Variants in GSDMC observed in about 807,000 individuals in gnomAD.
The protein encoded by GSDMC is gasdermin C, also known as gasdermin-C.
Under a neutral mutation model 58.0 loss-of-function variants are expected in GSDMC, and 59 were observed. That is an observed-to-expected ratio of 1.02 (90% confidence interval 0.82 to 1.26). The LOEUF (loss-of-function observed/expected upper bound fraction) is 1.26. Among genes scored for constraint, GSDMC ranks in the 50% most tolerant of loss-of-function variants. GSDMC has a pLI of 0.00. For synonymous variants in GSDMC, 241 were observed against 220.2 expected, an observed-to-expected ratio of 1.09 and a Z score of -0.83; for missense variants, 659 against 598.5, an observed-to-expected ratio of 1.10 and a Z score of -1.06.
At position 129,770,939 on chromosome 8, in the gene GSDMC, G is replaced by C. The variant is rs371945630; in HGVS notation, c.405-5146C>G. Among the ~76,000 whole-genome samples, 3 of 151,430 alleles carry C rather than the reference G, an allele frequency of 2.0e-5. No individual in the cohort carries two copies. In the East Asian group the frequency reaches 5.8e-4, roughly 29 times the overall value. On this transcript the variant is annotated intron_variant, in intron 3 of 13. Coordinates refer to ENST00000276708, the MANE Select transcript of GSDMC (RefSeq NM_031415.3). ...GGCTGAAAGGAAAGAGATGGAAAAA[G>C]AAATTCTAATGCACAAGATGACCAA...
At chr8:129,778,972 A>G (rs186636139) in intron 1 of GSDMC, among the ~76,000 whole-genome samples, 4 of 152,328 alleles carry the variant, frequency 2.6e-5, no homozygotes. Context: ...GATGCTGGCA[A>G]GGTTGTGGAG....
At chr8:129,782,971 A>G (rs2034457029) in intron 1 of GSDMC, among the ~76,000 whole-genome samples, 1 of 146,804 alleles carries the variant, frequency 6.8e-6, no homozygotes, top group African/African-American at 2.8e-5. Flanking sequence ...AAATACTAGG[A>G]AACCAAATTC....
chr8:129,705,809 G>A, the GSDMC span, among the ~76,000 whole-genome samples: 1 of 152,182 alleles, frequency 6.6e-6, no homozygotes, highest in Admixed American at 6.5e-5. Context: ...GTAGAAGAGA[G>A]GGGGCATAGA....
the GSDMC span, among the ~76,000 whole-genome samples, chr8:129,721,316 C>T: frequency 2.6e-5 from 4 of 152,138 alleles, no homozygotes; most frequent in African/African-American, 9.7e-5. Context: ...TCACTCCCAC[C>T]CCTTTGCCTT....
intron 3 of GSDMC, among the ~76,000 whole-genome samples, chr8:129,767,524 C>A (rs1292387395): frequency 1.4e-5 from 2 of 140,868 alleles, no homozygotes; most frequent in African/African-American, 5.3e-5. Flanking sequence ...TGCCTGCAAC[C>A]ACACAGAGCT....
At chr8:129,723,991 C>T in the GSDMC span, among the ~76,000 whole-genome samples, 1 of 152,158 alleles carries the variant, frequency 6.6e-6, no homozygotes, top group African/African-American at 2.4e-5. Flanking sequence ...AATATGTGGG[C>T]ACAAAAGCTT....
Position 129,777,487 on chromosome 8 carries a change from C to T in GSDMC, c.101G>A (p.Arg34His), listed in dbSNP as rs910419404. The part of the protein sequence containing the change: ...VKYLLSATKL[R>H]QFVILRKKKD... ...CTTCTTTCGTAATATAACAAACTGA[C>T]GTAATTTGGTGGCACTCAATAGGTA... Residue 34 changes from arginine to histidine, a missense_variant, in exon 2 of 14, where the codon CGT becomes CAT. Physicochemically the swap from Arg to His is conservative, Grantham distance 29. Coordinates refer to ENST00000276708, the MANE Select transcript of GSDMC (RefSeq NM_031415.3). 37 of 1,612,676 alleles carry T rather than the reference C, an allele frequency of 2.3e-5. No homozygotes were observed. Among genetic ancestry groups the T allele is most frequent in the South Asian group, 1.3e-4 (12 of 91,046 alleles).
chr8:129,760,528 C>A lies in GSDMC; in HGVS notation c.721+17G>T. ...CATAAAAATAAAAAAATAAAAAGAC[C>A]AGGCTTTGGAACTCACCATCTTGAA... On this transcript the variant is annotated intron_variant, in intron 6 of 13. Coordinates refer to ENST00000276708, the MANE Select transcript of GSDMC (RefSeq NM_031415.3). 1 of 1,520,348 alleles carries A rather than the reference C, an allele frequency of 6.6e-7. No individual in the cohort carries two copies. The highest frequency in any genetic ancestry group is 1.1e-5 in the South Asian group (1 of 87,268). 94.2% of individuals were successfully genotyped at this position (1,520,348 alleles called of 1,614,324 possible).
At chr8:129,728,765 G>A in the GSDMC span, 63 of 503,696 alleles carry the variant, frequency 1.3e-4, no homozygotes, top group East Asian at 3.6e-4. Flanking sequence ...AAAACTTGCC[G>A]AGGGCTCTGC....
At chr8:129,708,151 A>T in the GSDMC span, among the ~76,000 whole-genome samples, 1 of 152,352 alleles carries the variant, frequency 6.6e-6, no homozygotes, top group East Asian at 1.9e-4. Context: ...TAAAAAGACT[A>T]AGAATTTAAG....
the GSDMC span, among the ~76,000 whole-genome samples, chr8:129,715,801 T>G: frequency 6.6e-6 from 1 of 152,180 alleles, no homozygotes; most frequent in Non-Finnish European, 1.5e-5. Context: ...TTTTTATTAT[T>G]TAAATATCTT....
chr8:129,720,757 A>G, the GSDMC span, among the ~76,000 whole-genome samples: 1 of 152,238 alleles, frequency 6.6e-6, no homozygotes, highest in African/African-American at 2.4e-5. Flanking sequence ...CCTACACTGT[A>G]GGTAGGCTAA....
At chr8:129,712,984 G>A in the GSDMC span, among the ~76,000 whole-genome samples, 7 of 152,190 alleles carry the variant, frequency 4.6e-5, no homozygotes, top group Non-Finnish European at 7.3e-5. Context: ...CAGGGATGTC[G>A]GGGTGAGGAG....
intron 11 of GSDMC, 106 bp from the exon 12 acceptor site, chr8:129,750,225 C>T (rs1277758153): frequency 9.3e-7 from 1 of 1,071,306 alleles, no homozygotes; most frequent in Non-Finnish European, 1.3e-6. Flanking sequence ...TGAGGGTTCT[C>T]TACCTCCCCC....
chr8:129,777,393 G>A lies in GSDMC; in HGVS notation c.195C>T (p.Ile65=), dbSNP rs2034268723. The A allele has an allele frequency of 6.2e-7, 1 of 1,612,038 alleles. No individual in the cohort carries two copies. The highest frequency in any genetic ancestry group is 8.5e-7 in the Non-Finnish European group (1 of 1,178,112). The change falls in exon 2 of 14, where the codon ATC becomes ATT. Residue 65 remains isoleucine, a synonymous_variant. Transcript: ENST00000276708. ...YVPVEFSLND[I]LEPSSSVLET... is the part of the protein sequence containing the mutation. ...CTAGGACTGAAGAACTTGGCTCCAG[G>A]ATGTCATTGAGGGAGAATTCAACTG...
chr8:129,781,030 A>G (rs2034390716), intron 1 of GSDMC, among the ~76,000 whole-genome samples: 1 of 152,246 alleles, frequency 6.6e-6, no homozygotes, highest in Non-Finnish European at 1.5e-5. Context: ...ATCTAAAAAC[A>G]TACAATGAAT....
At chr8:129,744,890 T>C (rs2032930340), downstream of GSDMC, among the ~76,000 whole-genome samples, 1 of 152,196 alleles carries the variant, frequency 6.6e-6, no homozygotes, top group South Asian at 2.1e-4. Flanking sequence ...CAGTGGAAAA[T>C]GGATATTGGA....
the GSDMC span, among the ~76,000 whole-genome samples, chr8:129,709,382 T>A: frequency 5.9e-5 from 9 of 152,162 alleles, no homozygotes; most frequent in Non-Finnish European, 8.8e-5. Flanking sequence ...ATTACGACAG[T>A]GTTCAGCTTC....
the GSDMC span, among the ~76,000 whole-genome samples, chr8:129,743,107 C>G: frequency 6.6e-6 from 1 of 152,096 alleles, no homozygotes; most frequent in Non-Finnish European, 1.5e-5. Flanking sequence ...TGTGCTTATC[C>G]TGTTCAGAGT....
Sources: gnomAD v4.1 joint callset for allele counts (sites outside exome capture counted in the v4.1 genomes callset) on GRCh38, gnomAD v4.1.1 for gene constraint, MANE v1.5 for transcripts, NCBI Gene and HGNC (gene_info 2026-07-23, HGNC 2026-07-21) for gene names.